The following SLC1A3 variants were observed in gnomAD, a reference collection of about 807,000 sequenced individuals.
The protein encoded by SLC1A3 is excitatory amino acid transporter 1.
Under a neutral mutation model 48.1 loss-of-function variants are expected in SLC1A3, and 21 were observed. The observed-to-expected ratio is 0.44, with a 90% CI of 0.31 to 0.63. The LOEUF (loss-of-function observed/expected upper bound fraction) is 0.63, where lower values mean the gene tolerates loss of function less well. Ranked by LOEUF, SLC1A3 falls within the 20% of genes least tolerant of loss-of-function variation. The pLI, the probability that SLC1A3 is intolerant of heterozygous loss-of-function variation, is 0.08. For synonymous variants in SLC1A3, 239 were observed against 251.4 expected (o/e 0.95, Z 0.47); for missense variants, 546 against 689.0 (o/e 0.79, Z 2.32).
At chr5:36,658,479 G>T (rs538931110) in intron 3 of SLC1A3, among the ~76,000 whole-genome samples, 2 of 152,332 alleles carry the variant, frequency 1.3e-5, no homozygotes, top group East Asian at 3.9e-4. Context: ...TGCATATTGA[G>T]TCTATAGAAA....
chr5:36,608,831 G>T, intron 2 of SLC1A3: 1 of 1,283,926 alleles, frequency 7.8e-7, no homozygotes. Flanking sequence ...CAAATCAATT[G>T]TGTGAGGAAG....
At position 36,687,483 on chromosome 5, in the gene SLC1A3, T is replaced by C. The variant is rs893645001; in HGVS notation, c.*1214T>C. The C allele has an allele frequency of 2.0e-5, 3 of 152,298 alleles. No homozygotes were observed. Among genetic ancestry groups the C allele is most frequent in the East Asian group, 3.9e-4 (2 of 5,182 alleles). 9.4% of individuals were successfully genotyped at this position (152,298 alleles called of 1,614,324 possible). On this transcript the variant is annotated 3_prime_UTR_variant, in exon 10 of 10. Transcript: ENST00000265113. ...CCAAAATCATTCCCCCCGTGAAGTCTGCTTACCAAAACATAAGACGACTTA... is the reference window on the plus strand; with the variant it reads ...CCAAAATCATTCCCCCCGTGAAGTCCGCTTACCAAAACATAAGACGACTTA...
At chr5:36,662,683 G>A (rs1171256538) in intron 3 of SLC1A3, among the ~76,000 whole-genome samples, 5 of 152,208 alleles carry the variant, frequency 3.3e-5, no homozygotes, top group African/African-American at 7.2e-5. Context: ...GCAGCTGTGG[G>A]CCTCTGAGAA....
At chr5:36,632,004 C>T (rs1015716113) in intron 3 of SLC1A3, among the ~76,000 whole-genome samples, 5 of 152,186 alleles carry the variant, frequency 3.3e-5, no homozygotes, top group Non-Finnish European at 7.3e-5. Context: ...CCAGTGGCCA[C>T]GTGGGTGATG....
chr5:36,662,681 G>C (rs1465718051), intron 3 of SLC1A3, among the ~76,000 whole-genome samples: 1 of 152,242 alleles, frequency 6.6e-6, no homozygotes, highest in African/African-American at 2.4e-5. Flanking sequence ...CGGCAGCTGT[G>C]GGCCTCTGAG....
chr5:36,611,109 G>T lies in SLC1A3; in HGVS notation c.181+2505G>T, dbSNP rs900178694. Among the ~76,000 whole-genome samples, 28 of 152,016 alleles carry T rather than the reference G, an allele frequency of 1.8e-4. 1 individual carries two copies. The highest frequency in any genetic ancestry group is 1.8e-3 in the Admixed American group (28 of 15,270). ...CATGTCTACCAGTCCTAAGAGATAG[G>T]AAAAGAATGTGTCTGTACACCAACT... is the stretch of plus-strand genomic sequence containing the variant. On this transcript the variant is annotated intron_variant, in intron 2 of 9. Coordinates refer to ENST00000265113, the MANE Select transcript of SLC1A3 (RefSeq NM_004172.5).
chr5:36,687,509 T>C lies in SLC1A3; in HGVS notation c.*1240T>C, dbSNP rs933326092. On this transcript the variant is annotated 3_prime_UTR_variant, in exon 10 of 10. Transcript: ENST00000265113. The stretch of plus-strand genomic sequence containing the variant: ...GCTTACCAAAACATAAGACGACTTA[T>C]ATATTTGAAAGAAGTCAAATGAATG... 6.6e-6 allele frequency: 1 copy of C among 152,242 alleles called. No individual in the cohort carries two copies. Among genetic ancestry groups the C allele is most frequent in the African/African-American group, 2.4e-5 (1 of 41,468 alleles). 9.4% of individuals were successfully genotyped at this position (152,242 alleles called of 1,614,324 possible).
intron 3 of SLC1A3, among the ~76,000 whole-genome samples, chr5:36,640,990 T>TAC (rs145725270): frequency 9.3e-4 from 139 of 149,626 alleles, no homozygotes; most frequent in South Asian, 5.9e-3. Flanking sequence ...CACACACACA[T>TAC]ACACACACAC....
In SLC1A3 at chr5:36,671,215, C is replaced by T; in HGVS notation, c.506C>T (p.Ala169Val). 1.9e-6 allele frequency: 3 copies of T among 1,613,168 alleles called. No homozygotes were observed. The highest frequency in any genetic ancestry group is 1.7e-6 in the Non-Finnish European group (2 of 1,179,302). ...ATTGTACGAGTGACAGCTGCAGATG[C>T]CTTCCTGGACTTGATCAGGTATGTC... ...GKIVRVTAAD[A>V]FLDLIRNMFP... The change falls in exon 4 of 10, where the codon GCC (alanine) becomes GTC (valine). Residue 169 changes from alanine to valine, a missense_variant. Physicochemically the swap from Ala to Val is moderately conservative, Grantham distance 64. Transcript: ENST00000265113.
At chr5:36,675,535 T>G (rs1742170573) in intron 5 of SLC1A3, among the ~76,000 whole-genome samples, 1 of 152,210 alleles carries the variant, frequency 6.6e-6, no homozygotes. Context: ...CTAGTTGGCT[T>G]AGACCAGGAT....
rs1316230169 is a variant in SLC1A3, at chr5:36,688,306, CAATA to C, written c.*2040_*2043del. 6.6e-6 allele frequency: 1 copy of C among 152,060 alleles called. No homozygotes were observed. The highest frequency in any genetic ancestry group is 1.9e-4 in the East Asian group (1 of 5,198). 9.4% of individuals were successfully genotyped at this position (152,060 alleles called of 1,614,324 possible). On this transcript the variant is annotated 3_prime_UTR_variant, in exon 10 of 10. Coordinates refer to ENST00000265113, the MANE Select transcript of SLC1A3 (RefSeq NM_004172.5). ...AAGCATTACTTTGTAGATGTATTTT[CAATA>C]AAGAAAAAAATAGTTTTACATTAAC...
At chr5:36,610,397 A>G (rs1255155287) in intron 2 of SLC1A3, among the ~76,000 whole-genome samples, 1 of 152,166 alleles carries the variant, frequency 6.6e-6, no homozygotes, top group Non-Finnish European at 1.5e-5. Flanking sequence ...TTTAACACAT[A>G]CTCATTTATA....
chr5:36,640,986 C>T (rs1740595976), intron 3 of SLC1A3, among the ~76,000 whole-genome samples: 1 of 151,976 alleles, frequency 6.6e-6, no homozygotes, highest in Non-Finnish European at 1.5e-5. Context: ...AACACACACA[C>T]ACATACACAC....
At position 36,687,985 on chromosome 5, in the gene SLC1A3, G is replaced by C. The variant is rs935349473; in HGVS notation, c.*1716G>C. The C allele has an allele frequency of 2.0e-5, 3 of 152,182 alleles. No homozygotes were observed. Among genetic ancestry groups the C allele is most frequent in the African/African-American group, 7.2e-5 (3 of 41,424 alleles). The allele number at this position is 152,182 out of a possible 1,614,324, so 9.4% of individuals were successfully genotyped here. A position where few individuals can be genotyped will look rare whatever the true frequency, so the allele number is the denominator to read the frequency against. On this transcript the variant is annotated 3_prime_UTR_variant, in exon 10 of 10. Transcript: ENST00000265113. ...ATAGATCCTCTGATATACAATTAGA[G>C]ATATTTTTATATAGACCCCAAGCAT... is the stretch of plus-strand genomic sequence containing the variant.
intron 2 of SLC1A3, among the ~76,000 whole-genome samples, chr5:36,609,709 G>T (rs1224348811): frequency 6.6e-6 from 1 of 152,138 alleles, no homozygotes; most frequent in African/African-American, 2.4e-5. Context: ...AGTAATCACT[G>T]GTGATTAATG....
At chr5:36,677,531 A>T (rs1195822497) in intron 6 of SLC1A3, among the ~76,000 whole-genome samples, 1 of 152,250 alleles carries the variant, frequency 6.6e-6, no homozygotes, top group African/African-American at 2.4e-5. Context: ...GGCACTGTGG[A>T]TATAGCAATA....
Position 36,651,308 on chromosome 5 carries a change from A to G in SLC1A3, c.320-19721A>G, listed in dbSNP as rs565474257. Among the ~76,000 whole-genome samples, 44 of 151,422 alleles carry G rather than the reference A, an allele frequency of 2.9e-4. 1 individual carries two copies. Among genetic ancestry groups the G allele is most frequent in the African/African-American group, 1.0e-3 (41 of 41,198 alleles). On this transcript the variant is annotated intron_variant, in intron 3 of 9. Transcript: ENST00000265113. ...TCTGCACCCTAGTCTGGGCAACACC[A>G]TATTGATCCTAATCTACACTAACTT...
intron 3 of SLC1A3, among the ~76,000 whole-genome samples, chr5:36,664,835 G>A (rs934363429): frequency 5.3e-5 from 8 of 152,286 alleles, no homozygotes; most frequent in African/African-American, 1.4e-4. Flanking sequence ...ATCTGCAAGA[G>A]GGAAATATGT....
chr5:36,644,790 A>C (rs1159453710), intron 3 of SLC1A3, among the ~76,000 whole-genome samples: 3 of 152,190 alleles, frequency 2.0e-5, no homozygotes, highest in Non-Finnish European at 4.4e-5. Context: ...CAAGTTAACC[A>C]GGATGTTAGT....
Sources: gnomAD v4.1 joint callset for allele counts (sites outside exome capture counted in the v4.1 genomes callset) on GRCh38, gnomAD v4.1.1 for gene constraint, MANE v1.5 for transcripts, NCBI Gene and HGNC (gene_info 2026-07-23, HGNC 2026-07-21) for gene names.